The following SPATA31H1 variants were observed in gnomAD, a reference collection of about 807,000 sequenced individuals.
SPATA31H1 encodes the protein SPATA31 subfamily H member 1.
At chr2:27,577,428 C>G in the SPATA31H1 span, 10 of 1,613,944 alleles carry the variant, frequency 6.2e-6, no homozygotes, top group Non-Finnish European at 8.5e-6. This position sits in a 1 kb window ranked among gnomAD's most constrained non-coding sequence, Gnocchi z 4.5. Flanking sequence ...GGCAAGGATA[C>G]AAGCAAATGA....
chr2:27,572,942 G>C, the SPATA31H1 span: 1 of 397,740 alleles, frequency 2.5e-6, no homozygotes, highest in Non-Finnish European at 4.4e-6. Context: ...CGACCTCAGA[G>C]CCATATTTTC....
the SPATA31H1 span, chr2:27,582,574 T>G: frequency 6.6e-7 from 1 of 1,516,828 alleles, no homozygotes; most frequent in Admixed American, 2.2e-5. Flanking sequence ...TTCATCGTGC[T>G]GCCCTTTCCA....
the SPATA31H1 span, chr2:27,574,851 A>G: frequency 5.0e-6 from 2 of 398,526 alleles, no homozygotes; most frequent in Non-Finnish European, 8.9e-6. Context: ...TGTAAAATCT[A>G]TGGAGTTCAG....
the SPATA31H1 span, chr2:27,569,202 C>G: frequency 2.5e-6 from 1 of 398,958 alleles, no homozygotes; most frequent in Admixed American, 4.4e-5. Flanking sequence ...GGATTTGATA[C>G]CAGGATCAGA....
At chr2:27,574,810 C>T in the SPATA31H1 span, 1 of 398,450 alleles carries the variant, frequency 2.5e-6, no homozygotes, top group East Asian at 3.6e-5. Flanking sequence ...ACAAAATATT[C>T]TAACTCAATA....
At chr2:27,579,429 C>G in the SPATA31H1 span, 1 of 1,614,198 alleles carries the variant, frequency 6.2e-7, no homozygotes, top group Non-Finnish European at 8.5e-7. Flanking sequence ...TATTTCTCAG[C>G]CTTCTGTGGT....
At chr2:27,570,599 T>C in the SPATA31H1 span, 4 of 398,910 alleles carry the variant, frequency 1.0e-5, no homozygotes, top group Non-Finnish European at 1.3e-5. Context: ...TCAAATGTTT[T>C]GATTTAGTAC....
the SPATA31H1 span, among the ~76,000 whole-genome samples, chr2:27,556,088 C>T: frequency 6.8e-6 from 1 of 147,054 alleles, no homozygotes; most frequent in Admixed American, 6.9e-5. Context: ...GCCGAGATCG[C>T]GCCACTGCAC....
the SPATA31H1 span, among the ~76,000 whole-genome samples, chr2:27,547,079 C>G: frequency 6.6e-6 from 1 of 151,772 alleles, no homozygotes; most frequent in Non-Finnish European, 1.5e-5. Flanking sequence ...TGTTTTGTTA[C>G]ATTGGTCTGC....
chr2:27,579,559 G>A, the SPATA31H1 span: 5 of 1,614,216 alleles, frequency 3.1e-6, no homozygotes, highest in Non-Finnish European at 1.7e-6. Context: ...ACTAGAGTGA[G>A]AATAAAGAAG....
At chr2:27,562,659 G>A in the SPATA31H1 span, among the ~76,000 whole-genome samples, 4 of 151,552 alleles carry the variant, frequency 2.6e-5, no homozygotes, top group Non-Finnish European at 5.9e-5. Flanking sequence ...GGCCGAGGCA[G>A]GTGGATCACG....
the SPATA31H1 span, chr2:27,576,930 G>A: frequency 6.2e-7 from 1 of 1,614,058 alleles, no homozygotes; most frequent in Non-Finnish European, 8.5e-7. Context: ...GGAATCCTCT[G>A]AACTAATCCC....
chr2:27,554,269 G>A, the SPATA31H1 span, among the ~76,000 whole-genome samples: 2 of 151,878 alleles, frequency 1.3e-5, no homozygotes, highest in Non-Finnish European at 2.9e-5. Context: ...TCTAGCATGC[G>A]CCTCAAAACT....
chr2:27,566,154 G>A, the SPATA31H1 span: 29 of 716,872 alleles, frequency 4.0e-5, no homozygotes, highest in Middle Eastern at 6.8e-4. Context: ...AAAGTTAGAC[G>A]TAAAGTACCT....
At chr2:27,580,596 A>T in the SPATA31H1 span, 1 of 1,614,192 alleles carries the variant, frequency 6.2e-7, no homozygotes. Flanking sequence ...AAGACAACCT[A>T]AGAAACCTTC....
chr2:27,541,314 A>G, the SPATA31H1 span, among the ~76,000 whole-genome samples: 1 of 151,384 alleles, frequency 6.6e-6, no homozygotes, highest in Non-Finnish European at 1.5e-5. Flanking sequence ...AGAATCAGGC[A>G]GGGAGGCTGC....
At chr2:27,548,221 G>A in the SPATA31H1 span, among the ~76,000 whole-genome samples, 5 of 151,622 alleles carry the variant, frequency 3.3e-5, no homozygotes, top group East Asian at 1.9e-4. Flanking sequence ...TGCCCACCTC[G>A]GCCTCCCAAA....
chr2:27,579,390 C>T, the SPATA31H1 span: 3 of 1,614,188 alleles, frequency 1.9e-6, no homozygotes, highest in Non-Finnish European at 2.5e-6. Context: ...GGAACCTTCC[C>T]AGAGCCTGCC....
At chr2:27,574,704 A>C in the SPATA31H1 span, 3 of 398,380 alleles carry the variant, frequency 7.5e-6, no homozygotes, top group Middle Eastern at 6.2e-4. Context: ...CCATGGTCTA[A>C]AGTTACAAGG....
Sources: gnomAD v4.1 joint callset for allele counts (sites outside exome capture counted in the v4.1 genomes callset) on GRCh38, gnomAD v4.1.1 for gene constraint, Gnocchi (gnomAD v3.1) non-coding constraint, MANE v1.5 for transcripts, NCBI Gene and HGNC (gene_info 2026-07-23, HGNC 2026-07-21) for gene names.